Variants in SLC39A9 observed in about 807,000 individuals in gnomAD.
The protein encoded by SLC39A9 is solute carrier family 39 member 9, also known as zinc transporter ZIP9.
SLC39A9 carries 14 observed loss-of-function variants against 28.4 expected under a neutral mutation model. The ratio of observed to expected loss-of-function variants is 0.49; its 90% CI spans 0.33 to 0.77. SLC39A9 has a LOEUF of 0.77. Among genes scored for constraint, SLC39A9 ranks in the 30% least tolerant of loss-of-function variants. The probability of loss-of-function intolerance (pLI) is 0.02; values close to 1 mark genes in which losing one functional copy is unlikely to be tolerated. For missense variants in SLC39A9, 283 were observed against 381.1 expected, an observed-to-expected ratio of 0.74 and a Z score of 2.14; for synonymous variants, 119 against 149.6, an observed-to-expected ratio of 0.80 and a Z score of 1.49.
chr14:69,442,256 T>G lies in SLC39A9; in HGVS notation c.393T>G (p.His131Gln). 1 of 1,614,174 alleles carries G rather than the reference T, an allele frequency of 6.2e-7. No homozygotes were observed. The change falls in exon 3 of 7, where the codon CAT becomes CAG. Residue 131 changes from histidine to glutamine, a missense_variant. Physicochemically the swap from His to Gln is conservative, Grantham distance 24. Coordinates refer to ENST00000336643, the MANE Select transcript of SLC39A9 (RefSeq NM_018375.5). Reference sequence around the variant, plus strand: ...ACCAGATTGGTAACTCCCATGTGCATTCTACTGACGGTGAGTGGCTCCAAG... The same window carrying G: ...ACCAGATTGGTAACTCCCATGTGCAGTCTACTGACGGTGAGTGGCTCCAAG... ...LVDQIGNSHV[H>Q]STDDPEAARS...
intron 2 of SLC39A9, among the ~76,000 whole-genome samples, chr14:69,441,461 C>T (rs2139425963): frequency 6.6e-6 from 1 of 152,304 alleles, no homozygotes; most frequent in East Asian, 1.9e-4. Flanking sequence ...GTATCATTTA[C>T]TGCAGTTCAG....
intron 1 of SLC39A9, among the ~76,000 whole-genome samples, chr14:69,404,173 C>T (rs1326790472): frequency 6.6e-6 from 1 of 152,212 alleles, no homozygotes; most frequent in East Asian, 1.9e-4. Context: ...TTGCAGTGAG[C>T]TATGAGTGTG....
At chr14:69,453,552 G>A (rs1885718033) in intron 4 of SLC39A9, among the ~76,000 whole-genome samples, 1 of 152,084 alleles carries the variant, frequency 6.6e-6, no homozygotes, top group African/African-American at 2.4e-5. Flanking sequence ...GGAACATACT[G>A]TAGCACATGA....
chr14:69,409,091 C>T (rs571750147), intron 1 of SLC39A9, among the ~76,000 whole-genome samples: 1 of 152,188 alleles, frequency 6.6e-6, no homozygotes, highest in South Asian at 2.1e-4. Flanking sequence ...ATTAAATTAA[C>T]AATTTTTTAA....
chr14:69,448,287 A>G (rs1594945511), intron 3 of SLC39A9, among the ~76,000 whole-genome samples: 1 of 152,086 alleles, frequency 6.6e-6, no homozygotes, highest in East Asian at 1.9e-4. Context: ...GACATTTTGC[A>G]GTTTTAATCC....
At chr14:69,421,237 C>T (rs1037443281) in intron 1 of SLC39A9, among the ~76,000 whole-genome samples, 5 of 152,176 alleles carry the variant, frequency 3.3e-5, no homozygotes, top group African/African-American at 1.2e-4. Context: ...TAACAGTTTT[C>T]CTTCTAACAG....
intron 1 of SLC39A9, among the ~76,000 whole-genome samples, chr14:69,407,458 C>A (rs1047047212): frequency 2.0e-5 from 3 of 151,932 alleles, no homozygotes; most frequent in Non-Finnish European, 4.4e-5. Context: ...CTGCCTCAGC[C>A]TCCCAAGTAG....
chr14:69,423,000 A>G (rs930903209), intron 1 of SLC39A9, among the ~76,000 whole-genome samples: 17 of 152,208 alleles, frequency 1.1e-4, no homozygotes, highest in African/African-American at 4.1e-4. Context: ...TTGGATTAAA[A>G]CCACAGAAGA....
At chr14:69,412,741 C>G (rs780127869) in intron 1 of SLC39A9, among the ~76,000 whole-genome samples, 9 of 152,158 alleles carry the variant, frequency 5.9e-5, no homozygotes, top group South Asian at 2.1e-4. Flanking sequence ...TCTGCCCTGA[C>G]AGAATTGGTA....
At chr14:69,421,571 T>G (rs1883895815) in intron 1 of SLC39A9, among the ~76,000 whole-genome samples, 1 of 152,214 alleles carries the variant, frequency 6.6e-6, no homozygotes, top group Non-Finnish European at 1.5e-5. Context: ...TGCAGAAGTT[T>G]CTGCTGCCTT....
intron 4 of SLC39A9, among the ~76,000 whole-genome samples, chr14:69,454,181 A>C (rs1272022640): frequency 6.6e-6 from 1 of 152,262 alleles, no homozygotes; most frequent in Non-Finnish European, 1.5e-5. Flanking sequence ...CTTTCTAAGT[A>C]TAATATGCTT....
chr14:69,400,667 A>G (rs534721496), intron 1 of SLC39A9, among the ~76,000 whole-genome samples: 1 of 152,220 alleles, frequency 6.6e-6, no homozygotes, highest in Admixed American at 6.5e-5. Context: ...AGGAGACATT[A>G]CAGGTGAAAA....
At chr14:69,409,424 C>T (rs1022801121) in intron 1 of SLC39A9, among the ~76,000 whole-genome samples, 1 of 152,110 alleles carries the variant, frequency 6.6e-6, no homozygotes, top group African/African-American at 2.4e-5. Flanking sequence ...CTGTAGCCTC[C>T]GCACCCTGGG....
In SLC39A9 at chr14:69,455,814, T is replaced by C. The variant is rs1369866507; in HGVS notation, c.641T>C (p.Phe214Ser). Residue 214 changes from phenylalanine to serine, a missense_variant, in exon 6 of 7, where the codon TTT becomes TCT. Physicochemically the swap from Phe to Ser is radical, Grantham distance 155 (BLOSUM62 -2). Transcript: ENST00000336643. ...RNRIRKHLLV[F>S]ALAAPVMSMV... is the part of the protein sequence containing the mutation. ...CGAATCAGAAAGCACTTGCTGGTCT[T>C]TGCATTGGCAGCACCAGTTATGTCC... is the stretch of plus-strand genomic sequence containing the variant. The C allele has an allele frequency of 1.2e-6, 2 of 1,614,114 alleles. No individual in the cohort carries two copies. Among genetic ancestry groups the C allele is most frequent in the Non-Finnish European group, 1.7e-6 (2 of 1,180,048 alleles).
In SLC39A9 at chr14:69,398,822, A is replaced by G; in HGVS notation, c.-548A>G. The G allele has an allele frequency of 5.6e-6, 1 of 177,700 alleles. No homozygotes were observed. The highest frequency in any genetic ancestry group is 1.2e-5 in the Non-Finnish European group (1 of 84,000). 11.0% of individuals were successfully genotyped at this position (177,700 alleles called of 1,614,324 possible). A position where few individuals can be genotyped will look rare whatever the true frequency, so the allele number is the denominator to read the frequency against. On this transcript the variant is annotated 5_prime_UTR_variant, in exon 1 of 7. Transcript: ENST00000336643. ...AGCTTTGTGTCAACTTTGCTGCTGA[A>G]CCCCTAGGACCCATCGTTAGAGACC...
At chr14:69,408,017 TTTC>T (rs1357554481) in intron 1 of SLC39A9, among the ~76,000 whole-genome samples, 1 of 152,016 alleles carries the variant, frequency 6.6e-6, no homozygotes, top group Admixed American at 6.6e-5. Context: ...TCCTTTTTTC[TTTC>T]TTTCTTATTT....
intron 6 of SLC39A9, among the ~76,000 whole-genome samples, chr14:69,457,884 C>T (rs1049880371): frequency 7.2e-5 from 11 of 152,006 alleles, no homozygotes; most frequent in African/African-American, 2.7e-4. Context: ...GGCAACATAG[C>T]GAGACCTCAT....
chr14:69,412,467 T>G (rs1450141663), intron 1 of SLC39A9, among the ~76,000 whole-genome samples: 1 of 152,046 alleles, frequency 6.6e-6, no homozygotes, highest in East Asian at 1.9e-4. Context: ...AGTGAAACTA[T>G]CAATTCTGAA....
intron 1 of SLC39A9, among the ~76,000 whole-genome samples, chr14:69,408,953 C>G (rs1883090198): frequency 6.6e-6 from 1 of 152,146 alleles, no homozygotes; most frequent in Non-Finnish European, 1.5e-5. Context: ...CACATGTCAA[C>G]TGATATGTCA....
Sources: gnomAD v4.1 joint callset for allele counts (sites outside exome capture counted in the v4.1 genomes callset) on GRCh38, gnomAD v4.1.1 for gene constraint, MANE v1.5 for transcripts, NCBI Gene and HGNC (gene_info 2026-07-23, HGNC 2026-07-21) for gene names.